Variants in RAG1 observed in about 807,000 individuals in gnomAD.
RAG1 encodes the protein recombination activating 1, also known as V(D)J recombination-activating protein 1.
RAG1 carries 35 observed loss-of-function variants against 62.7 expected under a neutral mutation model. That is an observed-to-expected ratio of 0.56 (90% CI 0.43 to 0.74). RAG1 has a LOEUF of 0.74. Ranked by LOEUF, RAG1 falls within the 30% of genes least tolerant of loss-of-function variation. RAG1 has a pLI of 0.00. For missense variants in RAG1, 1,169 were observed against 1,278.6 expected (o/e 0.91, Z 1.31); for synonymous variants, 461 against 470.3 (o/e 0.98, Z 0.26).
chr11:36,571,242 G>A (rs1850736364), intron 1 of RAG1, among the ~76,000 whole-genome samples: 1 of 152,112 alleles, frequency 6.6e-6, no homozygotes, highest in Admixed American at 6.5e-5. Flanking sequence ...TCTAGAGATG[G>A]TCATGCATTT....
chr11:36,576,371 G>A lies in RAG1; in HGVS notation c.3067G>A (p.Ala1023Thr). Residue 1023 changes from alanine (A) to threonine (T), a missense_variant, in exon 2 of 2, where the codon GCA becomes ACA. Ala to Thr is a moderately conservative substitution (Grantham distance 58, BLOSUM62 0). Around this residue, in one of 2 missense-constraint regions of RAG1, gnomAD observed 800 missense variants for 943.3 expected, o/e 0.85. Transcript: ENST00000299440. Reference sequence around the variant, plus strand: ...CTCTGGGTTTACCATGAACCCTCAGGCAAGCTTAGGGGACCCATTAGGCAT... The same window carrying A: ...CTCTGGGTTTACCATGAACCCTCAGACAAGCTTAGGGGACCCATTAGGCAT... ...KTSGFTMNPQ[A>T]SLGDPLGIED... 6.2e-7 allele frequency: 1 copy of A among 1,614,036 alleles called. No individual in the cohort carries two copies. The highest frequency in any genetic ancestry group is 8.5e-7 in the Non-Finnish European group (1 of 1,179,924).
rs2133294646 is a variant in RAG1 at position 36,574,191 on chromosome 11, G to C, written c.887G>C (p.Cys296Ser). ...HFVKSISCQICEHILADPVET... is the reference protein window; with the variant it reads ...HFVKSISCQISEHILADPVET... Reference sequence around the variant, plus strand: ...GTGAAATCCATCTCCTGCCAGATCTGTGAACACATTCTGGCTGACCCTGTG... The same window carrying C: ...GTGAAATCCATCTCCTGCCAGATCTCTGAACACATTCTGGCTGACCCTGTG... The change falls in exon 2 of 2, where the codon TGT (cysteine) becomes TCT (serine). Residue 296 changes from cysteine (C) to serine (S), a missense_variant. Transcript: ENST00000299440. The C allele has an allele frequency of 6.2e-7, 1 of 1,614,182 alleles. No homozygotes were observed. Among genetic ancestry groups the C allele is most frequent in the Non-Finnish European group, 8.5e-7 (1 of 1,180,026 alleles).
downstream of RAG1, among the ~76,000 whole-genome samples, chr11:36,540,190 A>G (rs1342233871): frequency 6.6e-6 from 1 of 152,206 alleles, no homozygotes; most frequent in Non-Finnish European, 1.5e-5. Context: ...CATTGCTCCA[A>G]GAATGTAATT....
chr11:36,575,661 C>T lies in RAG1; in HGVS notation c.2357C>T (p.Pro786Leu), dbSNP rs1850834920. The change falls in exon 2 of 2, where the codon CCT becomes CTT. Residue 786 changes from proline to leucine, a missense_variant. Coordinates refer to ENST00000299440, the MANE Select transcript of RAG1 (RefSeq NM_000448.3). The surrounding 1 kb of genome is among the most constrained non-coding windows in gnomAD (Gnocchi z 4.1). ...RDRVKGVSAK[P>L]FIETVPSIDA... ...CGGGTGAAAGGGGTCTCAGCTAAAC[C>T]TTTCATTGAGACAGTCCCTTCCATA... The T allele has an allele frequency of 1.9e-6, 3 of 1,614,076 alleles. No homozygotes were observed. Among genetic ancestry groups the T allele is most frequent in the Non-Finnish European group, 2.5e-6 (3 of 1,180,030 alleles).
At chr11:36,533,265 C>T (rs1329378534) in intron 2 of RAG1, among the ~76,000 whole-genome samples, 2 of 152,162 alleles carry the variant, frequency 1.3e-5, no homozygotes, top group South Asian at 2.1e-4. Flanking sequence ...GTTGAGTACT[C>T]GTAAATAAGA....
chr11:36,576,028 C>T lies in RAG1; in HGVS notation c.2724C>T (p.Ser908=). 1 of 1,614,118 alleles carries T rather than the reference C, an allele frequency of 6.2e-7. No individual in the cohort carries two copies. Among genetic ancestry groups the T allele is most frequent in the Non-Finnish European group, 8.5e-7 (1 of 1,180,030 alleles). ...GCCCTGCTAAAGAGTGCCCAGAATC[C>T]CTCTGCCAGTACAGTTTCAATTCAC... ...SSCPAKECPE[S]LCQYSFNSQR... is the part of the protein sequence containing the mutation. The change falls in exon 2 of 2, where the codon TCC becomes TCT. Residue 908 remains serine (S), a synonymous_variant. Coordinates refer to ENST00000299440, the MANE Select transcript of RAG1 (RefSeq NM_000448.3).
intron 1 of RAG1, among the ~76,000 whole-genome samples, chr11:36,569,271 A>G (rs1385601850): frequency 2.6e-5 from 4 of 152,170 alleles, no homozygotes; most frequent in African/African-American, 9.7e-5. Context: ...GCACGCCTGT[A>G]GCTCTGATGT....
chr11:36,572,183 T>TTGAG (rs1227873550), intron 1 of RAG1, among the ~76,000 whole-genome samples: 2 of 152,176 alleles, frequency 1.3e-5, no homozygotes, highest in Non-Finnish European at 2.9e-5. Context: ...TCAAAAGAAT[T>TTGAG]AACCCAGGCA....
Position 36,573,443 on chromosome 11 carries a change from A to G in RAG1, c.139A>G (p.Lys47Glu), listed in dbSNP as rs768649904. ...TGAAAAGACACCTGAAGAAGCTCAA[A>G]AGGAAAAGAAGGATTCCTTTGAGGG... ...SFEKTPEEAQ[K>E]EKKDSFEGKP... The change falls in exon 2 of 2, where the codon AAG (lysine) becomes GAG (glutamate). Residue 47 changes from lysine (K) to glutamate (E), a missense_variant. Around this residue, in one of 2 missense-constraint regions of RAG1, gnomAD observed 369 missense variants for 335.3 expected, o/e 1.10. Coordinates refer to ENST00000299440, the MANE Select transcript of RAG1 (RefSeq NM_000448.3). 3 of 1,614,172 alleles carry G rather than the reference A, an allele frequency of 1.9e-6. No homozygotes were observed. Among genetic ancestry groups the G allele is most frequent in the Non-Finnish European group, 2.5e-6 (3 of 1,180,038 alleles).
upstream of RAG1, among the ~76,000 whole-genome samples, chr11:36,567,637 A>G (rs115022045): frequency 3.1e-3 from 478 of 152,344 alleles, no homozygotes; most frequent in African/African-American, 0.01. Flanking sequence ...TTTTCCTATA[A>G]TAACTGTCAT....
At chr11:36,525,893 C>A (rs957751034) in intron 2 of RAG1, among the ~76,000 whole-genome samples, 1 of 151,986 alleles carries the variant, frequency 6.6e-6, no homozygotes, top group African/African-American at 2.4e-5. Flanking sequence ...TTTTCATTTC[C>A]TTTTCTTGCC....
chr11:36,518,898 T>C (rs992361242), intron 1 of RAG1, among the ~76,000 whole-genome samples: 15 of 152,240 alleles, frequency 9.9e-5, no homozygotes, highest in Admixed American at 2.0e-4. Flanking sequence ...TTTGGTGTTT[T>C]AGACATGAAG....
downstream of RAG1, among the ~76,000 whole-genome samples, chr11:36,538,194 CA>C (rs1223994157): frequency 6.6e-6 from 1 of 152,090 alleles, no homozygotes; most frequent in Non-Finnish European, 1.5e-5. Flanking sequence ...TCATAGATAT[CA>C]CATTGATTTT....
At chr11:36,570,611 T>C (rs918869677) in intron 1 of RAG1, among the ~76,000 whole-genome samples, 1 of 152,356 alleles carries the variant, frequency 6.6e-6, no homozygotes, top group South Asian at 2.1e-4. Flanking sequence ...TTCTTCATAG[T>C]GGCTGTACTA....
At position 36,573,482 on chromosome 11, in the gene RAG1, G is replaced by C; in HGVS notation, c.178G>C (p.Glu60Gln). 1 of 1,614,170 alleles carries C rather than the reference G, an allele frequency of 6.2e-7. No individual in the cohort carries two copies. Among genetic ancestry groups the C allele is most frequent in the Non-Finnish European group, 8.5e-7 (1 of 1,180,036 alleles). The change falls in exon 2 of 2, where the codon GAG becomes CAG. Residue 60 changes from glutamate (E) to glutamine (Q), a missense_variant. Glu to Gln is a conservative substitution (Grantham distance 29, BLOSUM62 2). This residue lies in a region of RAG1 where 369 missense variants were observed against 335.3 expected (regional missense o/e 1.10). Transcript: ENST00000299440. ...TTCCTTTGAGGGGAAACCCTCTCTG[G>C]AGCAATCTCCAGCAGTCCTGGACAA... ...KDSFEGKPSL[E>Q]QSPAVLDKAD...
chr11:36,562,489 G>C lies in RAG1; in HGVS notation c.-411-896G>C, dbSNP rs201966822. On this transcript the variant is annotated intron_variant and NMD_transcript_variant, in intron 3 of 9. Coordinates refer to the RAG1 transcript ENST00000534663. ...ACACAGGTTGCAAGAGGTGGGGCTA[G>C]AATTTAAAGCAATGTTACGGCACTC... 1.2e-4 allele frequency among the ~76,000 whole-genome samples: 19 copies of C among 152,314 alleles called. No homozygotes were observed. In the East Asian group the frequency reaches 3.1e-3, roughly 25 times the overall value.
intron 1 of RAG1, among the ~76,000 whole-genome samples, chr11:36,512,366 T>C (rs903808517): frequency 2.0e-5 from 3 of 152,238 alleles, no homozygotes; most frequent in Non-Finnish European, 2.9e-5. Context: ...TCCACCTGCA[T>C]TGGACTTACG....
chr11:36,545,235 A>T (rs1022680745), intron 3 of RAG1, among the ~76,000 whole-genome samples: 2 of 152,176 alleles, frequency 1.3e-5, no homozygotes, highest in African/African-American at 4.8e-5. Flanking sequence ...CAGTGAGTGC[A>T]TGGGCTGAAT....
rs142057334 is a variant in RAG1 at position 36,573,588 on chromosome 11, A to C, written c.284A>C (p.Glu95Ala). ...PKFSKKFHDN[E>A]KARGKAIHQA... ...TTTTCAAAGAAATTTCACGACAACG[A>C]GAAAGCAAGAGGCAAAGCGATCCAT... The change falls in exon 2 of 2, where the codon GAG (glutamate) becomes GCG (alanine). Residue 95 changes from glutamate to alanine, a missense_variant. By Grantham distance (107) the Glu-to-Ala change is moderately radical. Transcript: ENST00000299440. 1 of 1,614,228 alleles carries C rather than the reference A, an allele frequency of 6.2e-7. No homozygotes were observed. Among genetic ancestry groups the C allele is most frequent in the Admixed American group, 1.7e-5 (1 of 60,032 alleles).
Sources: gnomAD v4.1 joint callset for allele counts (sites outside exome capture counted in the v4.1 genomes callset) on GRCh38, gnomAD v4.1.1 for gene constraint, gnomAD v4.1.1 regional missense constraint, Gnocchi (gnomAD v3.1) non-coding constraint, MANE v1.5 for transcripts, NCBI Gene and HGNC (gene_info 2026-07-23, HGNC 2026-07-21) for gene names.